Variants in KPNA6 observed in about 807,000 individuals in gnomAD.
The protein encoded by KPNA6 is importin subunit alpha-7.
Under a neutral mutation model 72.0 loss-of-function variants are expected in KPNA6, and 9 were observed. The ratio of observed to expected loss-of-function variants is 0.13; its 90% CI spans 0.08 to 0.22. The LOEUF (loss-of-function observed/expected upper bound fraction) is 0.22. Ranked by LOEUF, KPNA6 falls within the 10% of genes least tolerant of loss-of-function variation. The pLI is 1.00. For synonymous variants in KPNA6, 219 were observed against 242.1 expected (o/e 0.90, Z 0.89); for missense variants, 374 against 655.7 (o/e 0.57, Z 4.69).
chr1:32,117,104 A>G (rs777762670), intron 1 of KPNA6, among the ~76,000 whole-genome samples: 1 of 152,196 alleles, frequency 6.6e-6, no homozygotes, highest in Non-Finnish European at 1.5e-5. Context: ...AAGTGAACAC[A>G]TGCTGCTGGA....
chr1:32,163,151 T>C (rs987434188), intron 9 of KPNA6, 84 bp from the exon 10 acceptor site: 11 of 859,170 alleles, frequency 1.3e-5, no homozygotes, highest in Non-Finnish European at 2.2e-5. Context: ...TCCTTAAGCT[T>C]CTCCAGGCTC....
At chr1:32,130,222 A>ATTTTT (rs55953899) in intron 1 of KPNA6, among the ~76,000 whole-genome samples, 2 of 103,136 alleles carry the variant, frequency 1.9e-5, no homozygotes, top group African/African-American at 7.0e-5. Flanking sequence ...GTAGATAAAT[A>ATTTTT]TTTTTTTTTT....
At chr1:32,132,165 T>G (rs1384363173) in intron 1 of KPNA6, among the ~76,000 whole-genome samples, 1 of 152,050 alleles carries the variant, frequency 6.6e-6, no homozygotes, top group Non-Finnish European at 1.5e-5. Flanking sequence ...GAGACAGAGT[T>G]TCACCATGTT....
chr1:32,124,871 G>C (rs1262597084), intron 1 of KPNA6, among the ~76,000 whole-genome samples: 1 of 149,906 alleles, frequency 6.7e-6, no homozygotes, highest in Non-Finnish European at 1.5e-5. Flanking sequence ...TTGAGACGGA[G>C]TTTCACTCTG....
At chr1:32,114,898 T>C (rs996672650) in intron 1 of KPNA6, among the ~76,000 whole-genome samples, 1 of 152,222 alleles carries the variant, frequency 6.6e-6, no homozygotes, top group African/African-American at 2.4e-5. Context: ...TGGAGTGCAG[T>C]GGCACGATCT....
intron 4 of KPNA6, 30 bp from the exon 5 acceptor site, chr1:32,158,237 T>C: frequency 6.8e-7 from 1 of 1,462,956 alleles, no homozygotes; most frequent in Non-Finnish European, 9.6e-7. Flanking sequence ...GCTTCTCCTG[T>C]GTTTTTATTT....
intron 1 of KPNA6, among the ~76,000 whole-genome samples, chr1:32,108,426 A>G (rs779184896): frequency 6.6e-6 from 1 of 152,086 alleles, no homozygotes; most frequent in Non-Finnish European, 1.5e-5. Flanking sequence ...AAAGGGGCCT[A>G]CTCTCTGTCC....
rs781082243 is a variant in KPNA6, at chr1:32,170,023, G to A, written c.1386G>A (p.Gly462=). 1 of 1,614,120 alleles carries A rather than the reference G, an allele frequency of 6.2e-7. No individual in the cohort carries two copies. Among genetic ancestry groups the A allele is most frequent in the East Asian group, 2.2e-5 (1 of 44,878 alleles). Residue 462 remains glycine, a synonymous_variant, in exon 13 of 14, where the codon GGG becomes GGA. Transcript: ENST00000373625. ...AAGAGGGCAAGCGCAGTGGCTCAGG[G>A]GTCAATCCTTATTGTGGCCTCATAG... ...GEQEGKRSGS[G]VNPYCGLIEE... is the part of the protein sequence containing the mutation.
At chr1:32,118,214 G>A (rs75082204) in intron 1 of KPNA6, among the ~76,000 whole-genome samples, 3 of 152,000 alleles carry the variant, frequency 2.0e-5, no homozygotes, top group Non-Finnish European at 4.4e-5. Context: ...GTGAGCCACC[G>A]TGCCCAGCCA....
intron 1 of KPNA6, among the ~76,000 whole-genome samples, chr1:32,135,599 C>T (rs1641720209): frequency 6.7e-6 from 1 of 149,800 alleles, no homozygotes; most frequent in South Asian, 2.1e-4. Flanking sequence ...TCCCAAATTG[C>T]TAGAATCACA....
chr1:32,162,493 G>A lies in KPNA6; in HGVS notation c.880G>A (p.Gly294Arg), dbSNP rs1570066757. ...GAAGATCCAGGCAGTCATAGACTCCGGAGTCTGCCGGAGATTGGTAGAGCT... is the reference window on the plus strand; with the variant it reads ...GAAGATCCAGGCAGTCATAGACTCCAGAGTCTGCCGGAGATTGGTAGAGCT... ...NEKIQAVIDSGVCRRLVELLM... is the reference protein window; with the variant it reads ...NEKIQAVIDSRVCRRLVELLM... The change falls in exon 9 of 14, where the codon GGA becomes AGA. Residue 294 changes from glycine to arginine, a missense_variant. Around this residue, in one of 3 missense-constraint regions of KPNA6, gnomAD observed 298 missense variants for 495.4 expected, o/e 0.60. Coordinates refer to ENST00000373625, the MANE Select transcript of KPNA6 (RefSeq NM_012316.5). 3 of 1,614,042 alleles carry A rather than the reference G, an allele frequency of 1.9e-6. No homozygotes were observed. Among genetic ancestry groups the A allele is most frequent in the Non-Finnish European group, 2.5e-6 (3 of 1,180,018 alleles).
At chr1:32,136,382 C>G (rs550856359) in intron 1 of KPNA6, among the ~76,000 whole-genome samples, 3 of 152,076 alleles carry the variant, frequency 2.0e-5, no homozygotes, top group Non-Finnish European at 4.4e-5. Context: ...CCATGTTGAC[C>G]AGGCTGGTCT....
At position 32,158,454 on chromosome 1, in the gene KPNA6, G is replaced by A. The variant is rs1189488288; in HGVS notation, c.426+93G>A. 4.2e-6 allele frequency: 3 copies of A among 708,686 alleles called. No homozygotes were observed. The African/African-American group carries it at 5.3e-5, about 13-fold the overall frequency. The allele number at this position is 708,686 out of a possible 1,614,324, so 43.9% of individuals were successfully genotyped here. A position where few individuals can be genotyped will look rare whatever the true frequency, so the allele number is the denominator to read the frequency against. On this transcript the variant is annotated intron_variant, in intron 5 of 13. Transcript: ENST00000373625. ...ATTTATGGGATACATGAGATGTTTTGACACAGGCATGCAATTTGAAATAAG... is the reference window on the plus strand; with the variant it reads ...ATTTATGGGATACATGAGATGTTTTAACACAGGCATGCAATTTGAAATAAG...
rs111934288 is a variant in KPNA6 at position 32,116,234 on chromosome 1, C to T, written c.4+8100C>T. Among the ~76,000 whole-genome samples, 28 of 148,046 alleles carry T rather than the reference C, an allele frequency of 1.9e-4. 1 individual carries two copies. The highest frequency in any genetic ancestry group is 6.7e-4 in the African/African-American group (27 of 40,100). On this transcript the variant is annotated intron_variant, in intron 1 of 13. Coordinates refer to ENST00000373625, the MANE Select transcript of KPNA6 (RefSeq NM_012316.5). Reference sequence around the variant, plus strand: ...AGAGGCTGGAGTGCAGTGGCCCTATCTTGGCTCACTGCAAGCTCCGCCTCC... The same window carrying T: ...AGAGGCTGGAGTGCAGTGGCCCTATTTTGGCTCACTGCAAGCTCCGCCTCC...
chr1:32,135,633 A>ATT (rs746020031), intron 1 of KPNA6, among the ~76,000 whole-genome samples: 8,887 of 121,264 alleles, frequency 0.073, 579 homozygotes, highest in South Asian at 0.24. Flanking sequence ...ATGCTTGGCC[A>ATT]TTTTTTTTTT....
At chr1:32,126,605 G>A (rs960652380) in intron 1 of KPNA6, among the ~76,000 whole-genome samples, 2 of 151,634 alleles carry the variant, frequency 1.3e-5, no homozygotes, top group African/African-American at 2.4e-5. Flanking sequence ...GGCTGCTCTC[G>A]AACCCTTGAC....
At position 32,170,885 on chromosome 1, in the gene KPNA6, C is replaced by G. The variant is rs1486310156; in HGVS notation, c.1602C>G (p.Phe534Leu). The G allele has an allele frequency of 6.2e-7, 1 of 1,614,136 alleles. No individual in the cohort carries two copies. Among genetic ancestry groups the G allele is most frequent in the South Asian group, 1.1e-5 (1 of 91,082 alleles). ...FQQPEAPMEG[F>L]QL ...AGCCTGAGGCCCCCATGGAGGGCTT[C>G]CAGCTATAATATCTGCCTCCAGGGA... is the stretch of plus-strand genomic sequence containing the variant. The change falls in exon 14 of 14, where the codon TTC (phenylalanine) becomes TTG (leucine). Residue 534 changes from phenylalanine (F) to leucine (L), a missense_variant. This residue lies in a region of KPNA6 where 42 missense variants were observed against 49.8 expected (regional missense o/e 0.84). Coordinates refer to ENST00000373625, the MANE Select transcript of KPNA6 (RefSeq NM_012316.5).
chr1:32,134,894 A>AT lies in KPNA6; in HGVS notation c.5-19684dup, dbSNP rs1234811166. Among the ~76,000 whole-genome samples, 859 of 144,642 alleles carry AT rather than the reference A, an allele frequency of 5.9e-3. 6 individuals are homozygous for AT. The highest frequency in any genetic ancestry group is 0.02 in the African/African-American group (801 of 39,486). 94.9% of individuals were successfully genotyped at this position (144,642 alleles called of 152,430 possible). ...GGGTTTCTTTTTTTTAATTTTATTTATTTTTTTTTTACTTTTTTTTTTTTC... is the reference window on the plus strand; with the variant it reads ...GGGTTTCTTTTTTTTAATTTTATTTATTTTTTTTTTTACTTTTTTTTTTTTC... On this transcript the variant is annotated intron_variant, in intron 1 of 13. Transcript: ENST00000373625.
At chr1:32,147,973 C>G (rs1641960527) in intron 1 of KPNA6, among the ~76,000 whole-genome samples, 2 of 152,152 alleles carry the variant, frequency 1.3e-5, no homozygotes, top group Admixed American at 1.3e-4. Context: ...GCCTGACTTT[C>G]ATAATTTCGA....
Sources: gnomAD v4.1 joint callset for allele counts (sites outside exome capture counted in the v4.1 genomes callset) on GRCh38, gnomAD v4.1.1 for gene constraint, gnomAD v4.1.1 regional missense constraint, MANE v1.5 for transcripts, NCBI Gene and HGNC (gene_info 2026-07-23, HGNC 2026-07-21) for gene names.